Variants in SIDT1 observed in about 807,000 individuals in gnomAD.
SIDT1 encodes SID1 transmembrane family member 1, also known as SID1 transmembrane family, member 1.
Under a neutral mutation model 107.5 loss-of-function variants are expected in SIDT1, and 101 were observed. The ratio of observed to expected loss-of-function variants is 0.94; its 90% confidence interval spans 0.80 to 1.11. The LOEUF (loss-of-function observed/expected upper bound fraction) is 1.11. Ranked by LOEUF, SIDT1 falls within the 50% of genes least tolerant of loss-of-function variation. The pLI, the probability that SIDT1 is intolerant of heterozygous loss-of-function variation, is 0.00. For synonymous variants in SIDT1, 395 were observed against 398.2 expected (o/e 0.99, Z 0.10); for missense variants, 1,076 against 1,058.2 (o/e 1.02, Z -0.23).
chr3:113,536,608 A>G (rs1317752622), intron 1 of SIDT1, among the ~76,000 whole-genome samples: 1 of 152,236 alleles, frequency 6.6e-6, no homozygotes, highest in Non-Finnish European at 1.5e-5. Flanking sequence ...CTTTCCTGTC[A>G]GCCACTGCAT....
chr3:113,611,211 C>T (rs1945714246), intron 18 of SIDT1, 67 bp downstream of exon 18: 1 of 1,564,760 alleles, frequency 6.4e-7, no homozygotes. Flanking sequence ...AAACAAACAA[C>T]AATCAAGTGA....
At chr3:113,545,553 CA>C (rs777841650) in intron 1 of SIDT1, among the ~76,000 whole-genome samples, 14 of 152,156 alleles carry the variant, frequency 9.2e-5, no homozygotes, top group Non-Finnish European at 1.9e-4. Context: ...CCATCACTAG[CA>C]AAATGATATT....
chr3:113,618,029 G>A (rs1946222926), intron 20 of SIDT1, among the ~76,000 whole-genome samples: 2 of 152,120 alleles, frequency 1.3e-5, no homozygotes, highest in South Asian at 4.1e-4. Context: ...TACCATTATA[G>A]TATCATACAA....
At chr3:113,551,651 T>C (rs1209640476) in intron 1 of SIDT1, among the ~76,000 whole-genome samples, 1 of 152,154 alleles carries the variant, frequency 6.6e-6, no homozygotes, top group African/African-American at 2.4e-5. Flanking sequence ...ATTATCGTTT[T>C]CCCCCAACGA....
At chr3:113,568,601 A>AAAAAGAAAAGAAAAG (rs202138300) in intron 3 of SIDT1, among the ~76,000 whole-genome samples, 305 of 144,432 alleles carry the variant, frequency 2.1e-3, no homozygotes, top group East Asian at 9.4e-3. Flanking sequence ...CTCAAAAAAA[A>AAAAAGAAAAGAAAAG]AAAAGAAAAG....
chr3:113,557,964 G>C (rs2107699050), intron 1 of SIDT1, among the ~76,000 whole-genome samples: 1 of 152,308 alleles, frequency 6.6e-6, no homozygotes, highest in East Asian at 1.9e-4. Context: ...GACCTAAAGA[G>C]AGGCAGTTAG....
Position 113,625,327 on chromosome 3 carries a change from C to T in SIDT1, c.2308-775C>T, listed in dbSNP as rs538652532. 2.0e-4 allele frequency among the ~76,000 whole-genome samples: 31 copies of T among 151,936 alleles called. No individual in the cohort carries two copies. In the South Asian group the frequency reaches 2.3e-3, roughly 11 times the overall value. ...AATTTTTTTGTATTTTTAGTAGAGA[C>T]GGGGTTTCACCATGTTGGCCAGGCT... On this transcript the variant is annotated intron_variant, in intron 23 of 24. Coordinates refer to ENST00000264852, the MANE Select transcript of SIDT1 (RefSeq NM_017699.3).
At chr3:113,543,550 G>T (rs1939195656) in intron 1 of SIDT1, among the ~76,000 whole-genome samples, 1 of 152,034 alleles carries the variant, frequency 6.6e-6, no homozygotes, top group Non-Finnish European at 1.5e-5. Context: ...GGGTTAGTGG[G>T]GATACCTCGT....
At chr3:113,606,935 C>T (rs1450812413) in intron 14 of SIDT1, 106 bp from the exon 15 acceptor site, 5 of 734,304 alleles carry the variant, frequency 6.8e-6, no homozygotes, top group Non-Finnish European at 1.0e-5. Flanking sequence ...ACATTGTAAA[C>T]TAGTGACAGT....
At chr3:113,593,437 T>A (rs1374058380) in intron 10 of SIDT1, among the ~76,000 whole-genome samples, 1 of 152,182 alleles carries the variant, frequency 6.6e-6, no homozygotes, top group South Asian at 2.1e-4. Context: ...GTGCTCCTTA[T>A]GAGAATCTAA....
intron 4 of SIDT1, among the ~76,000 whole-genome samples, chr3:113,577,215 A>G (rs373681512): frequency 1.3e-5 from 2 of 152,324 alleles, no homozygotes; most frequent in South Asian, 2.1e-4. Flanking sequence ...CATTGGTTCA[A>G]TCCTCACTGA....
Position 113,585,236 on chromosome 3 carries a change from G to T in SIDT1, c.967G>T (p.Gly323Ter). The stretch of plus-strand genomic sequence containing the variant: ...CTTCATCTTCCTGTCCTTCTACTTG[G>T]GATGCCTTCTTGTTGGGTTTGTTCA... ...SVFIFLSFYL[G>*]CLLVGFVHYL... is the part of the protein sequence containing the mutation. The change falls in exon 9 of 25, where the codon GGA becomes TGA. Residue 323 changes from glycine to a stop codon, truncating the protein, a stop_gained. Transcript: ENST00000264852. LOFTEE classifies it high-confidence loss of function. 3.1e-6 allele frequency: 5 copies of T among 1,613,378 alleles called. No individual in the cohort carries two copies. The highest frequency in any genetic ancestry group is 4.2e-6 in the Non-Finnish European group (5 of 1,179,586).
chr3:113,607,028 C>CTTT lies in SIDT1; in HGVS notation c.1405-11_1405-10insTTT. On this transcript the variant is annotated splice_polypyrimidine_tract_variant and intron_variant, in intron 14 of 24. Transcript: ENST00000264852. ...GAAAACCACATTTCCTCTTCTCACT[C>CTTT]TTGATTTTACAGGTGGTAAATGTCA... 1.3e-6 allele frequency: 2 copies of CTTT among 1,579,982 alleles called. No homozygotes were observed. The highest frequency in any genetic ancestry group is 8.7e-7 in the Non-Finnish European group (1 of 1,148,770).
At position 113,608,547 on chromosome 3, in the gene SIDT1, CTT is replaced by C. The variant is rs1560118908; in HGVS notation, c.1720+12_1720+13del. 7 of 1,516,146 alleles carry C rather than the reference CTT, an allele frequency of 4.6e-6. No homozygotes were observed. Among genetic ancestry groups the C allele is most frequent in the Non-Finnish European group, 6.4e-6 (7 of 1,090,864 alleles). The allele number at this position is 1,516,146 out of a possible 1,614,324, so 93.9% of individuals were successfully genotyped here. On this transcript the variant is annotated intron_variant, in intron 17 of 24. Transcript: ENST00000264852. ...CCAACTTCCAATTCGGTAATTAGAA[CTT>C]ATATCTACTATACAGATTTGAATCG... is the stretch of plus-strand genomic sequence containing the variant.
chr3:113,587,578 A>G (rs1300457025), intron 9 of SIDT1, among the ~76,000 whole-genome samples: 1 of 152,222 alleles, frequency 6.6e-6, no homozygotes, highest in East Asian at 1.9e-4. Context: ...ATTTACTAAA[A>G]GAAAACAGCA....
chr3:113,552,468 A>G (rs936578826), intron 1 of SIDT1, among the ~76,000 whole-genome samples: 1 of 152,108 alleles, frequency 6.6e-6, no homozygotes, highest in Non-Finnish European at 1.5e-5. Context: ...GCTACAAACA[A>G]CAGAAAGCAA....
chr3:113,628,004 C>T lies in SIDT1; in HGVS notation c.*296C>T. On this transcript the variant is annotated 3_prime_UTR_variant, in exon 25 of 25. Coordinates refer to ENST00000264852, the MANE Select transcript of SIDT1 (RefSeq NM_017699.3). ...GATAGGCACTGCATCCAAGTCAACT[C>T]ACCATCTTGGGGTCCCTCCCACCCT... is the stretch of plus-strand genomic sequence containing the variant. 2.5e-6 allele frequency: 1 copy of T among 392,490 alleles called. No individual in the cohort carries two copies. Among genetic ancestry groups the T allele is most frequent in the Non-Finnish European group, 4.7e-6 (1 of 213,802 alleles). 24.3% of individuals were successfully genotyped at this position (392,490 alleles called of 1,614,324 possible).
At chr3:113,610,392 C>A (rs752145116) in intron 17 of SIDT1, among the ~76,000 whole-genome samples, 2 of 152,194 alleles carry the variant, frequency 1.3e-5, no homozygotes, top group African/African-American at 4.8e-5. Flanking sequence ...TCATCACTAA[C>A]GTTTATTACT....
At position 113,593,053 on chromosome 3, in the gene SIDT1, G is replaced by A. The variant is rs1365465467; in HGVS notation, c.1045+5G>A. On this transcript the variant is annotated splice_donor_5th_base_variant and intron_variant, in intron 10 of 24. Transcript: ENST00000264852. ...GAAGCTTTGGGTCCAATGATGGTAA[G>A]AGCAATGCTTGGTTTCAATTCAAAA... is the stretch of plus-strand genomic sequence containing the variant. 1 of 1,611,854 alleles carries A rather than the reference G, an allele frequency of 6.2e-7. No homozygotes were observed. The highest frequency in any genetic ancestry group is 8.5e-7 in the Non-Finnish European group (1 of 1,177,894).
Sources: allele counts gnomAD v4.1 joint callset (sites outside exome capture counted in the v4.1 genomes callset), GRCh38; gene constraint gnomAD v4.1.1; transcripts MANE v1.5; gene names NCBI Gene and HGNC (gene_info 2026-07-23, HGNC 2026-07-21).